HAUS7: variants seen among roughly 807,000 people sequenced by gnomAD.
The protein encoded by HAUS7 is HAUS augmin like complex subunit 7.
Under a neutral mutation model 28.4 loss-of-function variants are expected in HAUS7, and 3 were observed. The ratio of observed to expected loss-of-function variants is 0.11; its 90% CI spans 0.05 to 0.27. HAUS7 has a LOEUF of 0.27. Ranked by LOEUF, HAUS7 falls within the 10% of genes least tolerant of loss-of-function variation. The pLI, the probability that HAUS7 is intolerant of heterozygous loss-of-function variation, is 1.00. For missense variants in HAUS7, 284 were observed against 297.3 expected (o/e 0.96, Z 0.33); for synonymous variants, 165 against 132.1 (o/e 1.25, Z -1.71).
chrX:153,480,008 C>T (rs920344850), intron 1 of HAUS7, among the ~76,000 whole-genome samples: 9 of 112,247 alleles, frequency 8.0e-5, no homozygotes, highest in Non-Finnish European at 1.7e-4. Context: ...CTGTAGCAGA[C>T]ACTGGGGCTT....
chrX:153,478,385 C>T (rs1185095725), intron 1 of HAUS7, among the ~76,000 whole-genome samples: 2 of 112,392 alleles, frequency 1.8e-5, no homozygotes, highest in Non-Finnish European at 3.8e-5. Context: ...CCAGCAGTCC[C>T]CTCATCGAGC....
At chrX:153,482,346 G>T in intron 1 of HAUS7, 3 of 756,515 alleles carry the variant, frequency 4.0e-6, no homozygotes, top group Non-Finnish European at 4.7e-6. Context: ...CGGCTGAAGC[G>T]GCTGAACCTG....
At chrX:153,454,978 C>T (rs2089286375) in intron 8 of HAUS7, 1 of 1,022,876 alleles carries the variant, frequency 9.8e-7, no homozygotes, top group Non-Finnish European at 1.3e-6. Context: ...AATCCTTGAG[C>T]CAAGGGCAGA....
At chrX:153,461,307 G>C (rs1382469533) in intron 4 of HAUS7, among the ~76,000 whole-genome samples, 2 of 111,671 alleles carry the variant, frequency 1.8e-5, no homozygotes, top group Non-Finnish European at 3.8e-5. Context: ...AAGACTCACT[G>C]GATATGGACT....
In HAUS7 at chrX:153,456,296, C is replaced by G. The variant is rs782515709; in HGVS notation, c.674G>C (p.Ser225Thr). The G allele has an allele frequency of 1.7e-6, 2 of 1,210,797 alleles. No individual in the cohort carries two copies. Among genetic ancestry groups the G allele is most frequent in the East Asian group, 5.9e-5 (2 of 33,843 alleles). ...TCTAAGCGCGTGCAACTTGGCAGCA[C>G]TCTCCTGCAGCTGCCTGGCAAGCTC... is the stretch of plus-strand genomic sequence containing the variant. ...LAELARQLQE[S>T]AAKLHALRTE... Residue 225 changes from serine to threonine, a missense_variant, in exon 7 of 10, where the codon AGT (serine) becomes ACT (threonine). By Grantham distance (58) the Ser-to-Thr change is moderately conservative. Coordinates refer to ENST00000370211, the MANE Select transcript of HAUS7 (RefSeq NM_001385482.1).
At chrX:153,480,038 G>A (rs2089588848) in intron 1 of HAUS7, among the ~76,000 whole-genome samples, 1 of 111,948 alleles carries the variant, frequency 8.9e-6, no homozygotes, top group Non-Finnish European at 1.9e-5. Context: ...AAAGCAAATT[G>A]TGCCAGGTCG....
At chrX:153,464,930 A>G (rs1439468948) in intron 3 of HAUS7, 58 bp downstream of exon 3, 2 of 804,678 alleles carry the variant, frequency 2.5e-6, no homozygotes. Flanking sequence ...TGGAACATGC[A>G]CCACCACTCC....
Position 153,482,567 on chromosome X carries a change from T to C in HAUS7, c.-588-11422A>G, listed in dbSNP as rs184202187. 1.7e-3 allele frequency: 1,207 copies of C among 721,273 alleles called. 9 individuals carry two copies. In the African/African-American group the frequency reaches 0.026, roughly 16 times the overall value. The allele number at this position is 721,273 out of a possible 1,213,427, so 59.4% of individuals were successfully genotyped here. A position where few individuals can be genotyped will look rare whatever the true frequency, so the allele number is the denominator to read the frequency against. ...TGGGTCTGCCCTCTAGGAGGCACAC[T>C]CGGGAGAGTGCCCAGGGCAGCCTGG... On this transcript the variant is annotated intron_variant, in intron 1 of 5. Coordinates refer to the HAUS7 transcript ENST00000370210.
upstream of HAUS7, chrX:153,471,018 G>A: frequency 3.0e-6 from 1 of 330,997 alleles, no homozygotes; most frequent in South Asian, 2.6e-5. Context: ...GGTTCTCCTG[G>A]GCCACCACCA....
upstream of HAUS7, among the ~76,000 whole-genome samples, chrX:153,472,748 TG>T (rs1556985599): frequency 9.6e-6 from 1 of 103,778 alleles, no homozygotes; most frequent in Non-Finnish European, 2.0e-5. Context: ...AGTCCTACCA[TG>T]GGGGAGGGAG....
At chrX:153,465,454 G>A (rs1308860345) in intron 2 of HAUS7, among the ~76,000 whole-genome samples, 18 of 111,424 alleles carry the variant, frequency 1.6e-4, no homozygotes, top group Non-Finnish European at 3.0e-4. Context: ...CCCCGGCCTC[G>A]CCTGGGTCGG....
chrX:153,459,919 G>C (rs1556983035), intron 4 of HAUS7, among the ~76,000 whole-genome samples: 1 of 111,913 alleles, frequency 8.9e-6, no homozygotes, highest in Admixed American at 9.4e-5. Context: ...AGAGGGCTGA[G>C]GTGGGAGGAT....
At chrX:153,453,968 C>T (rs782001238) in intron 9 of HAUS7, among the ~76,000 whole-genome samples, 7 of 110,603 alleles carry the variant, frequency 6.3e-5, no homozygotes, top group African/African-American at 1.3e-4. Flanking sequence ...TGCAGGTGCA[C>T]GCCACCATGC....
At chrX:153,486,088 C>T (rs55997590) in intron 1 of HAUS7, 48 of 948,065 alleles carry the variant, frequency 5.1e-5, no homozygotes, top group Non-Finnish European at 5.8e-5. Flanking sequence ...TGAGCCACAA[C>T]AGGATCAGGT....
chrX:153,481,718 C>T (rs1556987357), intron 1 of HAUS7: 1 of 737,674 alleles, frequency 1.4e-6, no homozygotes, highest in Non-Finnish European at 1.6e-6. Flanking sequence ...GGGCTCCCAC[C>T]CTGGCTCCCC....
At position 153,454,581 on chromosome X, in the gene HAUS7, A is replaced by G; in HGVS notation, c.931-73T>C. The G allele has an allele frequency of 8.3e-6, 5 of 602,791 alleles. No individual in the cohort carries two copies. The South Asian group carries it at 1.3e-4, about 16-fold the overall frequency. 49.7% of individuals were successfully genotyped at this position (602,791 alleles called of 1,213,427 possible). Reference sequence around the variant, plus strand: ...GCACTAAATGCCGCTGGTCTCACGTAGCGACGGCATCTCCTGCTTCCCACC... The same window carrying G: ...GCACTAAATGCCGCTGGTCTCACGTGGCGACGGCATCTCCTGCTTCCCACC... On this transcript the variant is annotated intron_variant, in intron 8 of 9. Transcript: ENST00000370211.
intron 1 of HAUS7, chrX:153,481,401 G>C (rs2089598890): frequency 1.3e-6 from 1 of 753,427 alleles, no homozygotes; most frequent in African/African-American, 2.3e-5. Context: ...GGCGCCCACA[G>C]AAGGACCGCA....
At chrX:153,491,228 C>G (rs1229514407) in intron 1 of HAUS7, among the ~76,000 whole-genome samples, 4 of 111,938 alleles carry the variant, frequency 3.6e-5, no homozygotes, top group African/African-American at 1.3e-4. Context: ...AAGAGGCCAC[C>G]TCCCAGGCTC....
At chrX:153,471,700 T>C (rs968095679), upstream of HAUS7, among the ~76,000 whole-genome samples, 5 of 112,253 alleles carry the variant, frequency 4.5e-5, no homozygotes, top group African/African-American at 1.3e-4. Flanking sequence ...AAGTCTATAG[T>C]CAGGGAGACC....
Sources: allele counts gnomAD v4.1 joint callset (sites outside exome capture counted in the v4.1 genomes callset), GRCh38; gene constraint gnomAD v4.1.1; transcripts MANE v1.5; gene names NCBI Gene and HGNC (gene_info 2026-07-23, HGNC 2026-07-21).